The following ANO3 variants were observed in gnomAD, a reference collection of about 807,000 sequenced individuals.
The protein encoded by ANO3 is anoctamin-3.
In ANO3, 99 loss-of-function variants were observed where a neutral mutation model predicts 144.8. That is an observed-to-expected ratio of 0.68 (90% CI 0.58 to 0.81). ANO3 has a LOEUF of 0.81. ANO3 is among the 30% of genes least tolerant of loss of function. The pLI is 0.00. For synonymous variants in ANO3, 414 were observed against 392.6 expected (o/e 1.05, Z -0.64); for missense variants, 905 against 1,202.2 (o/e 0.75, Z 3.66).
chr11:26,418,710 G>A (rs762224753), intron 1 of ANO3, among the ~76,000 whole-genome samples: 20 of 151,572 alleles, frequency 1.3e-4, no homozygotes, highest in Middle Eastern at 3.2e-3. Flanking sequence ...ACAAGCGCGC[G>A]CGCGCACACA....
At chr11:26,497,016 A>G (rs1860981737) in intron 4 of ANO3, among the ~76,000 whole-genome samples, 2 of 51,968 alleles carry the variant, frequency 3.8e-5, no homozygotes, top group Non-Finnish European at 9.2e-5. Flanking sequence ...ACACACACAC[A>G]TATATACAGA....
At chr11:26,466,409 C>T (rs2134063561) in intron 4 of ANO3, among the ~76,000 whole-genome samples, 1 of 152,050 alleles carries the variant, frequency 6.6e-6, no homozygotes, top group African/African-American at 2.4e-5. Flanking sequence ...CTTTTCCCAT[C>T]AAGAGATAGA....
At chr11:26,430,042 G>A (rs974048664) in intron 1 of ANO3, among the ~76,000 whole-genome samples, 6 of 151,932 alleles carry the variant, frequency 3.9e-5, no homozygotes, top group African/African-American at 9.7e-5. Flanking sequence ...GTTTGAGATC[G>A]AGAACATCCT....
intron 20 of ANO3, 39 bp from the exon 21 acceptor site, chr11:26,639,104 AG>A: frequency 1.4e-6 from 2 of 1,403,064 alleles, no homozygotes; most frequent in Non-Finnish European, 1.0e-6. Context: ...CCTACTGGGA[AG>A]AAGACCAATA....
chr11:26,547,380 C>T (rs571844468), intron 11 of ANO3, 36 bp from the exon 12 acceptor site: 1 of 1,601,670 alleles, frequency 6.2e-7, no homozygotes, highest in Non-Finnish European at 8.5e-7. Context: ...GCTTATGTTG[C>T]CTTAACTCAG....
At chr11:26,303,329 A>G (rs951381291) in intron 1 of ANO3, among the ~76,000 whole-genome samples, 2 of 152,190 alleles carry the variant, frequency 1.3e-5, no homozygotes, top group East Asian at 1.9e-4. Context: ...TAAAAAAAAA[A>G]TGTGGTATAT....
At chr11:26,372,792 AG>A (rs1276388653) in intron 1 of ANO3, among the ~76,000 whole-genome samples, 3 of 152,296 alleles carry the variant, frequency 2.0e-5, no homozygotes, top group East Asian at 1.9e-4. Context: ...AAACAAGGAA[AG>A]GGGTCATATA....
chr11:26,375,091 A>G (rs1445906091), intron 1 of ANO3, among the ~76,000 whole-genome samples: 1 of 152,188 alleles, frequency 6.6e-6, no homozygotes, highest in Non-Finnish European at 1.5e-5. Flanking sequence ...ATAATGTAGA[A>G]TCAGTGGGAG....
At chr11:26,658,945 A>G (rs549241619) in intron 26 of ANO3, among the ~76,000 whole-genome samples, 2 of 152,180 alleles carry the variant, frequency 1.3e-5, no homozygotes, top group East Asian at 1.9e-4. Context: ...TGCTAACTCT[A>G]TTAGTATCAT....
At chr11:26,522,497 C>A (rs2134162343) in intron 6 of ANO3, among the ~76,000 whole-genome samples, 1 of 152,232 alleles carries the variant, frequency 6.6e-6, no homozygotes, top group South Asian at 2.1e-4. Context: ...AGATAGATGA[C>A]TGCAGCCTTG....
intron 4 of ANO3, among the ~76,000 whole-genome samples, chr11:26,463,354 A>G (rs1482099209): frequency 6.6e-6 from 1 of 151,882 alleles, no homozygotes; most frequent in East Asian, 1.9e-4. Context: ...TCTCAAACAG[A>G]ATGTTTAAAA....
At chr11:26,243,682 C>A (rs928194989) in intron 1 of ANO3, among the ~76,000 whole-genome samples, 2 of 152,180 alleles carry the variant, frequency 1.3e-5, no homozygotes, top group African/African-American at 4.8e-5. Context: ...CACCACTTAT[C>A]AGTGAATCTC....
intron 1 of ANO3, among the ~76,000 whole-genome samples, chr11:26,192,824 G>T (rs1032987795): frequency 6.6e-6 from 1 of 152,102 alleles, no homozygotes; most frequent in Non-Finnish European, 1.5e-5. Context: ...TGAAAATTAA[G>T]TTTAGAAATA....
At chr11:26,659,117 TACAC>T (rs1853796219) in intron 26 of ANO3, among the ~76,000 whole-genome samples, 1 of 151,200 alleles carries the variant, frequency 6.6e-6, no homozygotes, top group Non-Finnish European at 1.5e-5. Context: ...TATACACACA[TACAC>T]AAACATGTAT....
intron 1 of ANO3, among the ~76,000 whole-genome samples, chr11:26,215,453 AT>A (rs950324082): frequency 7.3e-5 from 11 of 151,298 alleles, no homozygotes; most frequent in East Asian, 1.9e-4. Context: ...CATTGTGAAG[AT>A]TTTTTTTTCC....
At chr11:26,206,937 A>G (rs1017574095) in intron 1 of ANO3, among the ~76,000 whole-genome samples, 42 of 152,186 alleles carry the variant, frequency 2.8e-4, no homozygotes, top group African/African-American at 9.4e-4. Flanking sequence ...AGGGTTTTTA[A>G]AAAGTGAAGC....
At chr11:26,586,698 T>G (rs1590592181) in intron 14 of ANO3, among the ~76,000 whole-genome samples, 1 of 44,432 alleles carries the variant, frequency 2.3e-5, no homozygotes, top group African/African-American at 5.8e-5. Flanking sequence ...AGAGAGGAGG[T>G]TTCACCGTGT....
At chr11:26,360,988 A>T (rs1448678760) in intron 1 of ANO3, among the ~76,000 whole-genome samples, 2 of 152,168 alleles carry the variant, frequency 1.3e-5, no homozygotes, top group Non-Finnish European at 2.9e-5. Flanking sequence ...TTCGTGCATT[A>T]GGTGTGTAAG....
At chr11:26,577,867 G>A (rs1851031090) in intron 14 of ANO3, among the ~76,000 whole-genome samples, 1 of 152,064 alleles carries the variant, frequency 6.6e-6, no homozygotes, top group Non-Finnish European at 1.5e-5. Flanking sequence ...CAAAAGTGAA[G>A]GCACAAAGGG....
Sources: gnomAD v4.1 joint callset for allele counts (sites outside exome capture counted in the v4.1 genomes callset) on GRCh38, gnomAD v4.1.1 for gene constraint, MANE v1.5 for transcripts, NCBI Gene and HGNC (gene_info 2026-07-23, HGNC 2026-07-21) for gene names.